Variants in BNC2 observed in about 807,000 individuals in gnomAD.
The protein encoded by BNC2 is basonuclin zinc finger protein 2.
Under a neutral mutation model 76.3 loss-of-function variants are expected in BNC2, and 20 were observed. The observed-to-expected ratio is 0.26, with a 90% CI of 0.18 to 0.38. The LOEUF is 0.38. Among genes scored for constraint, BNC2 ranks in the 10% least tolerant of loss-of-function variants. The probability of loss-of-function intolerance (pLI) is 1.00; values close to 1 mark genes in which losing one functional copy is unlikely to be tolerated. For missense variants in BNC2, 1,382 were observed against 1,399.8 expected, an observed-to-expected ratio of 0.99 and a Z score of 0.20; for synonymous variants, 582 against 514.8, an observed-to-expected ratio of 1.13 and a Z score of -1.77.
At chr9:16,618,400 G>T (rs1820770871) in intron 3 of BNC2, among the ~76,000 whole-genome samples, 1 of 152,104 alleles carries the variant, frequency 6.6e-6, no homozygotes, top group Admixed American at 6.6e-5. Context: ...CTCATTACCA[G>T]AATCTGTTCA....
chr9:16,557,505 T>C (rs1297284584), intron 4 of BNC2, among the ~76,000 whole-genome samples: 1 of 141,268 alleles, frequency 7.1e-6, no homozygotes, highest in South Asian at 2.2e-4. Context: ...TCACAGGATT[T>C]AAAAAAAAAA....
intron 4 of BNC2, chr9:16,575,473 C>A (rs1345869349): frequency 3.1e-6 from 3 of 983,242 alleles, no homozygotes; most frequent in East Asian, 2.3e-4. Flanking sequence ...AGGGGAGGCA[C>A]TGTTTGCGCT....
chr9:16,692,829 T>C (rs545650415), intron 3 of BNC2, among the ~76,000 whole-genome samples: 2 of 152,228 alleles, frequency 1.3e-5, no homozygotes, highest in South Asian at 4.1e-4. Flanking sequence ...AGGGACTTAG[T>C]GTTAAAGACT....
intron 3 of BNC2, among the ~76,000 whole-genome samples, chr9:16,649,250 C>T (rs769694401): frequency 6.6e-6 from 1 of 152,162 alleles, no homozygotes; most frequent in Non-Finnish European, 1.5e-5. Flanking sequence ...GTGCTATCCA[C>T]CTGAACCACC....
At chr9:16,532,812 G>A (rs1218506264) in intron 5 of BNC2, among the ~76,000 whole-genome samples, 1 of 152,112 alleles carries the variant, frequency 6.6e-6, no homozygotes, top group African/African-American at 2.4e-5. Flanking sequence ...ATATAATAAT[G>A]TGTGACTAAG....
intron 1 of BNC2, among the ~76,000 whole-genome samples, chr9:16,846,338 C>G (rs899115850): frequency 6.6e-6 from 1 of 152,270 alleles, no homozygotes; most frequent in Non-Finnish European, 1.5e-5. Context: ...AATCTTTTCA[C>G]TATTTCCTTA....
At chr9:16,742,221 A>G (rs574817821) in intron 1 of BNC2, among the ~76,000 whole-genome samples, 4 of 152,350 alleles carry the variant, frequency 2.6e-5, no homozygotes, top group Non-Finnish European at 4.4e-5. Context: ...AAAAATCAAA[A>G]TACTTTATGC....
At position 16,847,460 on chromosome 9, in the gene BNC2, T is replaced by C. The variant is rs940891654; in HGVS notation, c.3+23186A>G. Among the ~76,000 whole-genome samples, 12 of 103,638 alleles carry C rather than the reference T, an allele frequency of 1.2e-4. No individual in the cohort carries two copies. The Admixed American group carries it at 1.4e-3, about 12-fold the overall frequency. The allele number at this position is 103,638 out of a possible 152,430, so 68.0% of individuals were successfully genotyped here. ...GCTTTCACTGAGCCTACATTACAAA[T>C]TAAGGAAGTTGACTTTATAAAATTC... On this transcript the variant is annotated intron_variant, in intron 1 of 6. Coordinates refer to ENST00000380672, the MANE Select transcript of BNC2 (RefSeq NM_017637.6).
In BNC2 at chr9:16,651,054, A is replaced by T. The variant is rs1194905232; in HGVS notation, c.331-67969T>A. On this transcript the variant is annotated intron_variant, in intron 3 of 6. Transcript: ENST00000380672. ...GTTTACCCTAAGATGCCACCCACTC[A>T]TCCTATTCCACAGGGATATTTTAAG... Among the ~76,000 whole-genome samples, 4 of 152,170 alleles carry T rather than the reference A, an allele frequency of 2.6e-5. No homozygotes were observed. In the East Asian group the frequency reaches 7.7e-4, roughly 29 times the overall value.
intron 3 of BNC2, among the ~76,000 whole-genome samples, chr9:16,649,901 C>A (rs1004450582): frequency 6.6e-6 from 1 of 152,156 alleles, no homozygotes; most frequent in Non-Finnish European, 1.5e-5. Flanking sequence ...TATGGAGACA[C>A]AGAGGCCTTC....
chr9:16,533,207 A>T (rs1030841294), intron 5 of BNC2, among the ~76,000 whole-genome samples: 11 of 152,232 alleles, frequency 7.2e-5, no homozygotes, highest in African/African-American at 2.7e-4. Context: ...TGATTTCTGG[A>T]TATGAAAAAC....
At chr9:16,539,321 A>G (rs1818229067) in intron 5 of BNC2, among the ~76,000 whole-genome samples, 1 of 151,920 alleles carries the variant, frequency 6.6e-6, no homozygotes. Context: ...GGAGTTTGAG[A>G]CCAGCCTGGG....
chr9:16,583,732 C>G (rs1291465882), intron 3 of BNC2, among the ~76,000 whole-genome samples: 2 of 152,054 alleles, frequency 1.3e-5, no homozygotes, highest in African/African-American at 4.8e-5. Flanking sequence ...CTTATTTCAA[C>G]AGTGACATAA....
chr9:16,420,615 C>A lies in BNC2; in HGVS notation c.2640-966G>T, dbSNP rs1282362208. ...TTTACTTTAACAACTGGAACCCATA[C>A]TTCTTCGACAAGCAAAACTTTTATT... On this transcript the variant is annotated intron_variant, in intron 6 of 6. Coordinates refer to ENST00000380672, the MANE Select transcript of BNC2 (RefSeq NM_017637.6). Among the ~76,000 whole-genome samples, 4 of 152,030 alleles carry A rather than the reference C, an allele frequency of 2.6e-5. No individual in the cohort carries two copies. The East Asian group carries it at 7.7e-4, about 29-fold the overall frequency.
intron 5 of BNC2, among the ~76,000 whole-genome samples, chr9:16,504,756 AG>A (rs1822591252): frequency 6.6e-6 from 1 of 152,220 alleles, no homozygotes; most frequent in South Asian, 2.1e-4. Context: ...CTGAGGCGGC[AG>A]GATCACTTGA....
intron 4 of BNC2, among the ~76,000 whole-genome samples, chr9:16,565,329 T>C (rs1298904864): frequency 6.6e-6 from 1 of 152,206 alleles, no homozygotes; most frequent in Non-Finnish European, 1.5e-5. Context: ...AGTAACTCTC[T>C]GACATGGGCC....
intron 3 of BNC2, among the ~76,000 whole-genome samples, chr9:16,587,581 A>C (rs890563613): frequency 1.4e-5 from 2 of 140,298 alleles, no homozygotes; most frequent in African/African-American, 5.3e-5. Context: ...CCCCATCTGC[A>C]TGAACATTCT....
rs922092717 is a variant in BNC2, at chr9:16,411,928, C to T, written c.*7061G>A. 16 of 152,186 alleles carry T rather than the reference C, an allele frequency of 1.1e-4. No individual in the cohort carries two copies. Among genetic ancestry groups the T allele is most frequent in the African/African-American group, 3.9e-4 (16 of 41,442 alleles). 9.4% of individuals were successfully genotyped at this position (152,186 alleles called of 1,614,324 possible). A position where few individuals can be genotyped will look rare whatever the true frequency, so the allele number is the denominator to read the frequency against. ...GCATCCCCTAGTCCCAGAAAGAAGA[C>T]GCTTGATAGATCTTGCACTTCATTT... is the stretch of plus-strand genomic sequence containing the variant. On this transcript the variant is annotated 3_prime_UTR_variant, in exon 7 of 7. Transcript: ENST00000380672.
At chr9:16,476,547 G>T (rs956497272) in intron 5 of BNC2, among the ~76,000 whole-genome samples, 5 of 148,772 alleles carry the variant, frequency 3.4e-5, no homozygotes, top group South Asian at 2.1e-4. Flanking sequence ...TTTTTAACCC[G>T]TGTGTGTGTG....
Sources: allele counts gnomAD v4.1 joint callset (sites outside exome capture counted in the v4.1 genomes callset), GRCh38; gene constraint gnomAD v4.1.1; transcripts MANE v1.5; gene names NCBI Gene and HGNC (gene_info 2026-07-23, HGNC 2026-07-21).